The following RBFOX1 variants were observed in gnomAD, a reference collection of about 807,000 sequenced individuals.
RBFOX1 encodes RNA binding protein fox-1 homolog 1.
RBFOX1 carries 8 observed loss-of-function variants against 57.7 expected under a neutral mutation model. The ratio of observed to expected loss-of-function variants is 0.14; its 90% CI spans 0.08 to 0.25. The LOEUF (loss-of-function observed/expected upper bound fraction) is 0.25, where lower values mean the gene tolerates loss of function less well. Among genes scored for constraint, RBFOX1 ranks in the 10% least tolerant of loss-of-function variants. The probability of loss-of-function intolerance (pLI) is 1.00; values close to 1 mark genes in which losing one functional copy is unlikely to be tolerated. For missense variants in RBFOX1, 611 were observed against 548.5 expected (o/e 1.11, Z -1.14); for synonymous variants, 326 against 222.4 (o/e 1.47, Z -4.15).
chr16:5,738,290 A>G (rs79214057), intron 3 of RBFOX1, among the ~76,000 whole-genome samples: 4 of 81,108 alleles, frequency 4.9e-5, no homozygotes, highest in African/African-American at 7.4e-5. Flanking sequence ...TAACGTCTCT[A>G]TGTGTTAGGT....
At chr16:7,467,598 C>T (rs1247493554) in intron 4 of RBFOX1, among the ~76,000 whole-genome samples, 1 of 152,122 alleles carries the variant, frequency 6.6e-6, no homozygotes. Flanking sequence ...GGACTTTGGG[C>T]AGATAATTCA....
intron 3 of RBFOX1, among the ~76,000 whole-genome samples, chr16:7,002,680 C>G (rs1298928852): frequency 2.0e-5 from 3 of 152,084 alleles, no homozygotes; most frequent in African/African-American, 7.2e-5. Context: ...CCACTGCACT[C>G]CAGCCTGGTG....
intron 1 of RBFOX1, among the ~76,000 whole-genome samples, chr16:6,020,565 AGGGGGCCAGCC>A (rs943774362): frequency 4.6e-5 from 7 of 152,036 alleles, no homozygotes; most frequent in Non-Finnish European, 8.8e-5. Context: ...ACCCCAGGGG[AGGGGGCCAGCC>A]GGGAAACCTG....
At chr16:7,532,331 G>T (rs535692924) in intron 5 of RBFOX1, among the ~76,000 whole-genome samples, 1 of 152,210 alleles carries the variant, frequency 6.6e-6, no homozygotes, top group East Asian at 1.9e-4. Context: ...ACAGTGGGTG[G>T]CGCCAGCTTC....
At chr16:6,090,680 G>T (rs544107628) in intron 1 of RBFOX1, among the ~76,000 whole-genome samples, 1 of 152,270 alleles carries the variant, frequency 6.6e-6, no homozygotes, top group East Asian at 1.9e-4. Flanking sequence ...TGAAAGCAGG[G>T]TTTACTGTTC....
At chr16:5,285,169 G>A (rs1455169342) in intron 1 of RBFOX1, among the ~76,000 whole-genome samples, 2 of 152,040 alleles carry the variant, frequency 1.3e-5, no homozygotes, top group African/African-American at 4.8e-5. Context: ...CTTTTTGTCT[G>A]ACTGGATTAT....
chr16:5,788,426 T>A (rs1043740931), intron 3 of RBFOX1, among the ~76,000 whole-genome samples: 2 of 152,034 alleles, frequency 1.3e-5, no homozygotes, highest in Admixed American at 6.5e-5. Context: ...CTCAGGAGTT[T>A]GAGATCAGCC....
intron 3 of RBFOX1, among the ~76,000 whole-genome samples, chr16:6,847,052 G>C (rs1280775054): frequency 6.6e-6 from 1 of 152,100 alleles, no homozygotes; most frequent in Non-Finnish European, 1.5e-5. Context: ...ATTCATTTCT[G>C]CCTCTCTTGT....
chr16:5,400,216 C>T (rs2066675860), intron 1 of RBFOX1, among the ~76,000 whole-genome samples: 1 of 151,980 alleles, frequency 6.6e-6, no homozygotes, highest in Non-Finnish European at 1.5e-5. Flanking sequence ...CTCAGCCTCT[C>T]GAGTAACTGG....
rs758714800 is a variant in RBFOX1, at chr16:7,518,363, G to A, written c.244G>A (p.Ala82Thr). The change falls in exon 5 of 16, where the codon GCT (alanine) becomes ACT (threonine). Residue 82 changes from alanine (A) to threonine (T), a missense_variant. Ala to Thr is a moderately conservative substitution (Grantham distance 58). Around this residue, in one of 3 missense-constraint regions of RBFOX1, gnomAD observed 245 missense variants for 159.1 expected, o/e 1.54. Coordinates refer to ENST00000550418, the MANE Select transcript of RBFOX1 (RefSeq NM_018723.4). The part of the protein sequence containing the change: ...HSEQSPADTS[A>T]QTVSGTATQT... ...CGAGCAGAGCCCGGCGGACACGAGC[G>A]CTCAGACCGTCTCTGGCACCGCCAC... 3.1e-6 allele frequency: 5 copies of A among 1,611,992 alleles called. No homozygotes were observed. The highest frequency in any genetic ancestry group is 2.7e-5 in the African/African-American group (2 of 74,922).
At chr16:7,557,341 C>T (rs948275226) in intron 5 of RBFOX1, among the ~76,000 whole-genome samples, 3 of 151,974 alleles carry the variant, frequency 2.0e-5, no homozygotes, top group African/African-American at 4.8e-5. Flanking sequence ...AAAAAACAGC[C>T]GGGTGTGGTG....
At chr16:5,887,228 A>G (rs77250979) in intron 4 of RBFOX1, among the ~76,000 whole-genome samples, 1 of 152,162 alleles carries the variant, frequency 6.6e-6, no homozygotes, top group Admixed American at 6.5e-5. Flanking sequence ...GTTTTCAGGA[A>G]TCCCCCATGC....
chr16:7,079,525 T>A (rs1018990279), intron 4 of RBFOX1, among the ~76,000 whole-genome samples: 1 of 152,180 alleles, frequency 6.6e-6, no homozygotes, highest in Admixed American at 6.5e-5. Flanking sequence ...CAAGTTCAGA[T>A]TGTAAATTCT....
chr16:6,959,656 G>C (rs1162147107), intron 3 of RBFOX1, among the ~76,000 whole-genome samples: 1 of 152,122 alleles, frequency 6.6e-6, no homozygotes, highest in Admixed American at 6.6e-5. Context: ...AAAAGCTGAG[G>C]CTGGGCGTAA....
At chr16:6,363,031 C>T (rs1258538363) in intron 2 of RBFOX1, among the ~76,000 whole-genome samples, 1 of 152,180 alleles carries the variant, frequency 6.6e-6, no homozygotes, top group Non-Finnish European at 1.5e-5. Context: ...AGCAGGCGTG[C>T]ACAGTTTTTC....
intron 1 of RBFOX1, among the ~76,000 whole-genome samples, chr16:5,262,417 G>T (rs1596331453): frequency 6.6e-6 from 1 of 152,210 alleles, no homozygotes; most frequent in Admixed American, 6.5e-5. Flanking sequence ...AAACAAAAAG[G>T]TAGAGTCACA....
intron 3 of RBFOX1, among the ~76,000 whole-genome samples, chr16:6,766,520 C>A (rs182285168): frequency 1.9e-3 from 294 of 152,102 alleles, no homozygotes; most frequent in African/African-American, 6.0e-3. Flanking sequence ...CGGAATAGCA[C>A]TGTCCAATAG....
intron 4 of RBFOX1, among the ~76,000 whole-genome samples, chr16:5,939,348 G>C (rs1178965431): frequency 3.3e-5 from 5 of 152,216 alleles, no homozygotes; most frequent in African/African-American, 1.2e-4. Context: ...AGGAATTTGG[G>C]AGCTGTTTAG....
At chr16:5,346,978 G>A (rs772838830) in intron 1 of RBFOX1, among the ~76,000 whole-genome samples, 3 of 151,976 alleles carry the variant, frequency 2.0e-5, no homozygotes, top group Admixed American at 6.6e-5. Flanking sequence ...TGCATTGGTC[G>A]CTCTGTCTGC....
Sources: allele counts gnomAD v4.1 joint callset (sites outside exome capture counted in the v4.1 genomes callset), GRCh38; gene constraint gnomAD v4.1.1; regional missense constraint gnomAD v4.1.1; transcripts MANE v1.5; gene names NCBI Gene and HGNC (gene_info 2026-07-23, HGNC 2026-07-21).